Variants in LGR5 observed in about 807,000 individuals in gnomAD.
The protein encoded by LGR5 is leucine rich repeat containing G protein-coupled receptor 5, also known as leucine-rich repeat-containing G protein-coupled receptor 5.
In LGR5, 54 loss-of-function variants were observed where a neutral mutation model predicts 76.7. That is an observed-to-expected ratio of 0.70 (90% confidence interval 0.57 to 0.88). LGR5 has a LOEUF of 0.88. LGR5 is among the 40% of genes least tolerant of loss of function. The pLI is 0.00. For missense variants in LGR5, 1,078 were observed against 1,073.3 expected (o/e 1.00, Z -0.06); for synonymous variants, 406 against 421.9 (o/e 0.96, Z 0.46).
intron 3 of LGR5, among the ~76,000 whole-genome samples, chr12:71,534,708 C>A (rs1876494092): frequency 6.6e-6 from 1 of 152,186 alleles, no homozygotes. Flanking sequence ...CAAGCTCCCT[C>A]CAGCCTCCAG....
chr12:71,496,370 CAAAAA>C (rs67593850), intron 1 of LGR5, among the ~76,000 whole-genome samples: 6 of 99,552 alleles, frequency 6.0e-5, no homozygotes, highest in Admixed American at 5.2e-4. Flanking sequence ...TCCATCTCAA[CAAAAA>C]AAAAAAAAAA....
At chr12:71,453,646 C>T (rs982560437) in intron 1 of LGR5, among the ~76,000 whole-genome samples, 2 of 151,524 alleles carry the variant, frequency 1.3e-5, no homozygotes, top group Admixed American at 6.6e-5. Flanking sequence ...TTCAACCTTC[C>T]TTCAGAGCCA....
At position 71,439,971 on chromosome 12, in the gene LGR5, C is replaced by T; in HGVS notation, c.-110C>T. On this transcript the variant is annotated 5_prime_UTR_variant, in exon 1 of 18. Coordinates refer to ENST00000266674, the MANE Select transcript of LGR5 (RefSeq NM_003667.4). ...AACGCGGCGTCTGGCGCTGCAGACG[C>T]CCGCTGAGTTGCAGAAGCCCACGGA... is the stretch of plus-strand genomic sequence containing the variant. 2 of 976,020 alleles carry T rather than the reference C, an allele frequency of 2.0e-6. No individual in the cohort carries two copies. The highest frequency in any genetic ancestry group is 1.6e-5 in the South Asian group (1 of 63,708). 60.5% of individuals were successfully genotyped at this position (976,020 alleles called of 1,614,324 possible). A position where few individuals can be genotyped will look rare whatever the true frequency, so the allele number is the denominator to read the frequency against.
At chr12:71,532,402 C>T (rs1197350738) in intron 3 of LGR5, among the ~76,000 whole-genome samples, 2 of 152,090 alleles carry the variant, frequency 1.3e-5, no homozygotes, top group African/African-American at 2.4e-5. Flanking sequence ...ACCTTTATTC[C>T]TAAGGAACCA....
chr12:71,543,873 A>G (rs775158661), intron 4 of LGR5, among the ~76,000 whole-genome samples: 7 of 152,194 alleles, frequency 4.6e-5, no homozygotes, highest in Non-Finnish European at 1.0e-4. Flanking sequence ...TTCAAAAATG[A>G]CCCCTAGATT....
At chr12:71,455,553 G>A (rs1366791982) in intron 1 of LGR5, among the ~76,000 whole-genome samples, 1 of 152,080 alleles carries the variant, frequency 6.6e-6, no homozygotes, top group African/African-American at 2.4e-5. Context: ...AGCCTCAGGA[G>A]CCCATTCATT....
chr12:71,492,605 C>T (rs187576301), intron 1 of LGR5, among the ~76,000 whole-genome samples: 17 of 152,254 alleles, frequency 1.1e-4, no homozygotes, highest in Admixed American at 9.2e-4. Flanking sequence ...ACCAGAGAAT[C>T]CCTCAGAACC....
chr12:71,551,800 A>C (rs1398619717), intron 4 of LGR5, among the ~76,000 whole-genome samples: 5 of 152,230 alleles, frequency 3.3e-5, no homozygotes, highest in Admixed American at 3.3e-4. Flanking sequence ...CCATTTTAAA[A>C]CAGATAAAAA....
chr12:71,583,735 T>C lies in LGR5; in HGVS notation c.1725T>C (p.Asn575=), dbSNP rs1242642690. The change falls in exon 18 of 18, where the codon AAT becomes AAC. Residue 575 remains asparagine, a synonymous_variant. Coordinates refer to ENST00000266674, the MANE Select transcript of LGR5 (RefSeq NM_003667.4). The part of the protein sequence containing the change: ...WTIAVLALTC[N]ALVTSTVFRS... ...TAGCAGTTCTGGCACTTACTTGTAA[T>C]GCTTTGGTGACTTCAACAGTTTTCA... The C allele has an allele frequency of 2.5e-6, 4 of 1,614,040 alleles. No homozygotes were observed. Among genetic ancestry groups the C allele is most frequent in the Non-Finnish European group, 2.5e-6 (3 of 1,180,030 alleles).
chr12:71,443,721 G>A (rs1002619659), intron 1 of LGR5, among the ~76,000 whole-genome samples: 2 of 152,114 alleles, frequency 1.3e-5, no homozygotes, highest in African/African-American at 4.8e-5. Context: ...TGTCTAGTTA[G>A]TGTGACATTC....
chr12:71,582,612 C>A, intron 17 of LGR5, 73 bp downstream of exon 17: 2 of 1,197,020 alleles, frequency 1.7e-6, no homozygotes, highest in Non-Finnish European at 2.5e-6. Context: ...AACAATACAG[C>A]TATACTTTAA....
At chr12:71,538,016 T>G (rs759369084) in intron 4 of LGR5, among the ~76,000 whole-genome samples, 3 of 152,174 alleles carry the variant, frequency 2.0e-5, no homozygotes, top group African/African-American at 7.2e-5. Flanking sequence ...ACATTCACTC[T>G]TTAAGAAGCA....
rs569492102 is a variant in LGR5 at position 71,522,301 on chromosome 12, G to A, written c.285-2105G>A. On this transcript the variant is annotated intron_variant, in intron 2 of 17. Coordinates refer to ENST00000266674, the MANE Select transcript of LGR5 (RefSeq NM_003667.4). ...AATATGGAAGGGGTGGGAGTAGGTC[G>A]AGACTGAATATGGGGAGACAAGATG... 5.3e-5 allele frequency among the ~76,000 whole-genome samples: 8 copies of A among 152,292 alleles called. No homozygotes were observed. The South Asian group carries it at 6.2e-4, about 12-fold the overall frequency.
chr12:71,465,054 C>T (rs1027914545), intron 1 of LGR5, among the ~76,000 whole-genome samples: 1 of 152,060 alleles, frequency 6.6e-6, no homozygotes, highest in African/African-American at 2.4e-5. Context: ...ACCTTCAGAC[C>T]GACCAGTTAT....
chr12:71,449,266 C>G (rs559364479), intron 1 of LGR5, among the ~76,000 whole-genome samples: 2 of 152,176 alleles, frequency 1.3e-5, no homozygotes, highest in African/African-American at 4.8e-5. Context: ...CTCCAGTCAC[C>G]AAAATTGGGG....
At chr12:71,570,664 T>A (rs1436831144) in intron 11 of LGR5, among the ~76,000 whole-genome samples, 1 of 152,200 alleles carries the variant, frequency 6.6e-6, no homozygotes, top group Non-Finnish European at 1.5e-5. Flanking sequence ...TCATTTGTAC[T>A]ATTTATGCGG....
intron 1 of LGR5, among the ~76,000 whole-genome samples, chr12:71,468,709 CT>C (rs538254378): frequency 0.04 from 2,777 of 70,126 alleles, 75 homozygotes; most frequent in African/African-American, 0.13. Context: ...GTGGTAGCCT[CT>C]TTTTTTTTTT....
chr12:71,559,761 T>C (rs1338372886), intron 7 of LGR5, 107 bp downstream of exon 7: 3 of 592,460 alleles, frequency 5.1e-6, no homozygotes, highest in Non-Finnish European at 9.0e-6. Flanking sequence ...AAATTTTAAG[T>C]TTATATAAAT....
In LGR5 at chr12:71,467,747, T is replaced by C. The variant is rs1872923879; in HGVS notation, c.212+27455T>C. On this transcript the variant is annotated intron_variant, in intron 1 of 17. Coordinates refer to ENST00000266674, the MANE Select transcript of LGR5 (RefSeq NM_003667.4). The stretch of plus-strand genomic sequence containing the variant: ...ATTTTAGTTGCCATAATTCTGAATA[T>C]TCTGCCTAGAAAGTACTTGTTCTTT... Among the ~76,000 whole-genome samples, 3 of 152,222 alleles carry C rather than the reference T, an allele frequency of 2.0e-5. No individual in the cohort carries two copies. In the South Asian group the frequency reaches 6.2e-4, roughly 32 times the overall value.
Sources: gnomAD v4.1 joint callset for allele counts (sites outside exome capture counted in the v4.1 genomes callset) on GRCh38, gnomAD v4.1.1 for gene constraint, MANE v1.5 for transcripts, NCBI Gene and HGNC (gene_info 2026-07-23, HGNC 2026-07-21) for gene names.